PRDM10: variants seen among roughly 807,000 people sequenced by gnomAD.
PRDM10 encodes PR/SET domain 10.
A neutral mutation model predicts 133.1 loss-of-function variants in PRDM10; 65 were observed. The observed-to-expected ratio is 0.49, with a 90% CI of 0.40 to 0.60. The LOEUF (loss-of-function observed/expected upper bound fraction) is 0.60. Among genes scored for constraint, PRDM10 ranks in the 20% least tolerant of loss-of-function variants. The pLI is 0.00. For synonymous variants in PRDM10, 582 were observed against 580.4 expected (o/e 1.00, Z -0.04); for missense variants, 1,137 against 1,507.1 (o/e 0.75, Z 4.07).
intron 4 of PRDM10, among the ~76,000 whole-genome samples, chr11:129,950,247 A>T (rs1951548269): frequency 6.6e-6 from 1 of 152,132 alleles, no homozygotes; most frequent in Non-Finnish European, 1.5e-5. Flanking sequence ...ATAATAAAAA[A>T]AGAACTCTAA....
chr11:130,000,071 T>C (rs1424637809), intron 1 of PRDM10, among the ~76,000 whole-genome samples: 6 of 150,578 alleles, frequency 4.0e-5, no homozygotes, highest in Non-Finnish European at 8.9e-5. Context: ...GAGACGGAGT[T>C]TCGCTCTTGT....
Position 129,951,928 on chromosome 11 carries a change from A to AT in PRDM10, c.294+3583_294+3584insA, listed in dbSNP as rs1951591968. Among the ~76,000 whole-genome samples the AT allele has an allele frequency of 1.4e-5, 2 of 138,956 alleles. 1 individual carries two copies. Among genetic ancestry groups the AT allele is most frequent in the Admixed American group, 1.4e-4 (2 of 14,004 alleles). 91.2% of individuals were successfully genotyped at this position (138,956 alleles called of 152,430 possible). On this transcript the variant is annotated intron_variant, in intron 4 of 20. Transcript: ENST00000360871. ...TGGGAACCTTTTGGCTAAGAAAAAA[A>AT]CAAAAACCAAAAAAAAAAACCATCC... is the stretch of plus-strand genomic sequence containing the variant.
intron 17 of PRDM10, among the ~76,000 whole-genome samples, chr11:129,913,059 CAA>C (rs36096047): frequency 1.1e-4 from 16 of 144,116 alleles, no homozygotes; most frequent in African/African-American, 2.3e-4. Flanking sequence ...GACTCCATCT[CAA>C]AAAAAAAAAA....
chr11:129,914,090 C>T (rs1404773934), intron 17 of PRDM10, among the ~76,000 whole-genome samples: 1 of 152,198 alleles, frequency 6.6e-6, no homozygotes, highest in Non-Finnish European at 1.5e-5. Flanking sequence ...CAACCTCCGC[C>T]TCCCAGGTTC....
In PRDM10 at chr11:129,947,061, G is replaced by C. The variant is rs989335517; in HGVS notation, c.520+84C>G. The C allele has an allele frequency of 3.2e-6, 5 of 1,543,992 alleles. No homozygotes were observed. The highest frequency in any genetic ancestry group is 4.4e-6 in the Non-Finnish European group (5 of 1,139,026). ...GCACACGGAAGGACCTGACGCACGG[G>C]AGCTATGTTCACACACACGCACACG... On this transcript the variant is annotated intron_variant, in intron 5 of 20. Coordinates refer to ENST00000360871, the MANE Select transcript of PRDM10 (RefSeq NM_199437.2). This position sits in a 1 kb window ranked among gnomAD's most constrained non-coding sequence, Gnocchi z 4.6.
Position 129,931,233 on chromosome 11 carries a change from T to C in PRDM10, c.1313A>G (p.Glu438Gly). The change falls in exon 11 of 21, where the codon GAG becomes GGG. Residue 438 changes from glutamate (E) to glycine (G), a missense_variant. Coordinates refer to ENST00000360871, the MANE Select transcript of PRDM10 (RefSeq NM_199437.2). Reference protein sequence around the residue: ...TQDLLHFPTKEQFDEAEPATL... With the variant: ...TQDLLHFPTKGQFDEAEPATL... ...GGCTGGTTCAGCCTCATCAAATTGC[T>C]CCTTTGTGGGAAAATGTAGCAAGTC... is the stretch of plus-strand genomic sequence containing the variant. 2 of 1,613,892 alleles carry C rather than the reference T, an allele frequency of 1.2e-6. No homozygotes were observed. Among genetic ancestry groups the C allele is most frequent in the Non-Finnish European group, 1.7e-6 (2 of 1,179,868 alleles).
At position 130,000,151 on chromosome 11, in the gene PRDM10, C is replaced by T. The variant is rs1363631127; in HGVS notation, c.-119+2571G>A. 2.0e-5 allele frequency among the ~76,000 whole-genome samples: 3 copies of T among 149,788 alleles called. No individual in the cohort carries two copies. In the South Asian group the frequency reaches 6.3e-4, roughly 31 times the overall value. On this transcript the variant is annotated intron_variant, in intron 1 of 20. Transcript: ENST00000360871. ...CTCTGCCTCCCGGGTTCAAGTGATT[C>T]TCCTGCCTCAGCCTCCCGAGTAGTT...
chr11:129,958,037 G>T, intron 2 of PRDM10, 127 bp from the exon 3 acceptor site: 1 of 1,087,940 alleles, frequency 9.2e-7, no homozygotes, highest in Non-Finnish European at 1.3e-6. Flanking sequence ...TGTCTACACC[G>T]AGGTGGTGAC....
chr11:129,929,131 A>T (rs1197738517), intron 11 of PRDM10, among the ~76,000 whole-genome samples: 1 of 152,210 alleles, frequency 6.6e-6, no homozygotes, highest in Non-Finnish European at 1.5e-5. Flanking sequence ...GACAGTTAGA[A>T]CTCAACACTA....
At chr11:129,931,721 T>C (rs1376984452) in intron 10 of PRDM10, among the ~76,000 whole-genome samples, 10 of 151,846 alleles carry the variant, frequency 6.6e-5, no homozygotes, top group Non-Finnish European at 1.3e-4. Context: ...CGCCCGCCAC[T>C]GCACCCAGCT....
chr11:129,949,673 G>A (rs925688005), intron 4 of PRDM10, among the ~76,000 whole-genome samples: 1 of 152,184 alleles, frequency 6.6e-6, no homozygotes, highest in Non-Finnish European at 1.5e-5. Flanking sequence ...GCTCATGCCT[G>A]TAATCCCAGC....
chr11:129,994,298 A>T (rs1053504734), intron 1 of PRDM10, among the ~76,000 whole-genome samples: 91 of 94,172 alleles, frequency 9.7e-4, no homozygotes, highest in Non-Finnish European at 1.2e-3. Context: ...CATCTCTACT[A>T]AAAAAAAAGT....
Position 129,900,818 on chromosome 11 carries a change from A to G in PRDM10, c.*1495T>C, listed in dbSNP as rs1409632775. 1 of 152,420 alleles carries G rather than the reference A, an allele frequency of 6.6e-6. No homozygotes were observed. Among genetic ancestry groups the G allele is most frequent in the Non-Finnish European group, 1.5e-5 (1 of 68,036 alleles). The allele number at this position is 152,420 out of a possible 1,614,324, so 9.4% of individuals were successfully genotyped here. A position where few individuals can be genotyped will look rare whatever the true frequency, so the allele number is the denominator to read the frequency against. ...TCTTAGTACTCAAACATTGGGGAAC[A>G]ACTACATGAACGCAGTCTCAGAAAT... is the stretch of plus-strand genomic sequence containing the variant. On this transcript the variant is annotated 3_prime_UTR_variant, in exon 21 of 21. Transcript: ENST00000360871.
Position 129,923,254 on chromosome 11 carries a change from T to C in PRDM10, c.2028A>G (p.Gln676=). 6.3e-7 allele frequency: 1 copy of C among 1,580,370 alleles called. No individual in the cohort carries two copies. The highest frequency in any genetic ancestry group is 8.6e-7 in the Non-Finnish European group (1 of 1,161,910). The change falls in exon 13 of 21, where the codon CAA becomes CAG. Residue 676 remains glutamine, a synonymous_variant. Transcript: ENST00000360871. The surrounding 1 kb of genome is among the most constrained non-coding windows in gnomAD (Gnocchi z 4.4). ...KDFLCSTCGK[Q]FKRKDKLREH... is the part of the protein sequence containing the mutation. ...CTGTGCCTTGGTGTCATACCTTAAA[T>C]TGCTTCCCACAGGTGGAACACAGGA...
intron 1 of PRDM10, among the ~76,000 whole-genome samples, chr11:129,983,462 TTTTG>T (rs1489171241): frequency 1.3e-5 from 2 of 152,038 alleles, no homozygotes; most frequent in Non-Finnish European, 2.9e-5. Context: ...GCCCAGCTAA[TTTTG>T]TTTTTGTATT....
At chr11:129,971,146 G>C (rs758454540) in intron 1 of PRDM10, among the ~76,000 whole-genome samples, 1 of 152,122 alleles carries the variant, frequency 6.6e-6, no homozygotes, top group South Asian at 2.1e-4. Flanking sequence ...AAACCTTCGC[G>C]GTGAGTGTTA....
rs186876101 is a variant in PRDM10 at position 129,905,595 on chromosome 11, C to T, written c.3267+43G>A. On this transcript the variant is annotated intron_variant, in intron 20 of 20. Coordinates refer to ENST00000360871, the MANE Select transcript of PRDM10 (RefSeq NM_199437.2). ...GGTGATAAGAGTTACTATACAGCAC[C>T]ACAGGTTGGACAGGAAAAACCCGAC... is the stretch of plus-strand genomic sequence containing the variant. 120 of 1,445,056 alleles carry T rather than the reference C, an allele frequency of 8.3e-5. 1 individual carries two copies. In the East Asian group the frequency reaches 2.6e-3, roughly 32 times the overall value. 89.5% of individuals were successfully genotyped at this position (1,445,056 alleles called of 1,614,324 possible). A position where few individuals can be genotyped will look rare whatever the true frequency, so the allele number is the denominator to read the frequency against.
chr11:130,002,449 T>C (rs1939474469), intron 1 of PRDM10, among the ~76,000 whole-genome samples: 1 of 151,980 alleles, frequency 6.6e-6, no homozygotes, highest in South Asian at 2.1e-4. Flanking sequence ...AAGGTGCAGA[T>C]GGTTTGACCC....
chr11:129,993,493 C>CT (rs562076430), intron 1 of PRDM10, among the ~76,000 whole-genome samples: 13 of 151,194 alleles, frequency 8.6e-5, no homozygotes, highest in Admixed American at 2.0e-4. Flanking sequence ...ATTACACTAT[C>CT]TTTTTTTTTG....
Sources: gnomAD v4.1 joint callset for allele counts (sites outside exome capture counted in the v4.1 genomes callset) on GRCh38, gnomAD v4.1.1 for gene constraint, Gnocchi (gnomAD v3.1) non-coding constraint, MANE v1.5 for transcripts, NCBI Gene and HGNC (gene_info 2026-07-23, HGNC 2026-07-21) for gene names.